Variants in USP22 observed in about 807,000 individuals in gnomAD.
USP22 encodes ubiquitin specific peptidase 22, also known as ubiquitin carboxyl-terminal hydrolase 22.
A neutral mutation model predicts 68.1 loss-of-function variants in USP22; 22 were observed. The ratio of observed to expected loss-of-function variants is 0.32; its 90% confidence interval spans 0.23 to 0.46. The LOEUF is 0.46. USP22 is among the 20% of genes least tolerant of loss of function. USP22 has a pLI of 1.00. For missense variants in USP22, 433 were observed against 695.8 expected, an observed-to-expected ratio of 0.62 and a Z score of 4.25; for synonymous variants, 279 against 274.2, an observed-to-expected ratio of 1.02 and a Z score of -0.17.
In USP22 at chr17:21,015,783, C is replaced by G; in HGVS notation, c.807G>C (p.Ala269=). The change falls in exon 6 of 13, where the codon GCG becomes GCC. Residue 269 remains alanine, a synonymous_variant. Transcript: ENST00000261497. The part of the protein sequence containing the change: ...EQQDAHEFLI[A]ALDVLHRHCK... ...AGTGTCGGTGGAGCACGTCCAGGGCCGCGATGAGGAACTCGTGGGCGTCCT... is the reference window on the plus strand; with the variant it reads ...AGTGTCGGTGGAGCACGTCCAGGGCGGCGATGAGGAACTCGTGGGCGTCCT... 1 of 1,613,632 alleles carries G rather than the reference C, an allele frequency of 6.2e-7. No homozygotes were observed. Among genetic ancestry groups the G allele is most frequent in the African/African-American group, 1.3e-5 (1 of 75,030 alleles).
Position 21,004,225 on chromosome 17 carries a change from G to C in USP22, c.1512C>G (p.Ile504Met), listed in dbSNP as rs1456868863. 3.1e-6 allele frequency: 5 copies of C among 1,614,100 alleles called. No homozygotes were observed. The highest frequency in any genetic ancestry group is 2.7e-5 in the African/African-American group (2 of 74,946). Reference protein sequence around the residue: ...CDDAIITKASIKDVLDSEGYL... With the variant: ...CDDAIITKASMKDVLDSEGYL... ...ACCCTTCGCTGTCCAGGACGTCCTT[G>C]ATGCTGGCCTTGGTGATGATGGCAT... is the stretch of plus-strand genomic sequence containing the variant. Residue 504 changes from isoleucine (I) to methionine (M), a missense_variant, in exon 12 of 13, where the codon ATC becomes ATG. Coordinates refer to ENST00000261497, the MANE Select transcript of USP22 (RefSeq NM_015276.2).
In USP22 at chr17:21,012,823, C is replaced by T. The variant is rs1371430276; in HGVS notation, c.944+7G>A. 2 of 1,613,582 alleles carry T rather than the reference C, an allele frequency of 1.2e-6. No individual in the cohort carries two copies. Among genetic ancestry groups the T allele is most frequent in the Non-Finnish European group, 1.7e-6 (2 of 1,179,608 alleles). On this transcript the variant is annotated splice_region_variant and intron_variant, in intron 7 of 12. Transcript: ENST00000261497. ...TGATATTGCCGAGCACGCAGCCTCTCACTTACTGGCAGACTTGGCAGGTGA... is the reference window on the plus strand; with the variant it reads ...TGATATTGCCGAGCACGCAGCCTCTTACTTACTGGCAGACTTGGCAGGTGA...
At chr17:21,020,540 G>A (rs931905756) in intron 3 of USP22, among the ~76,000 whole-genome samples, 5 of 152,128 alleles carry the variant, frequency 3.3e-5, no homozygotes, top group African/African-American at 1.2e-4. Flanking sequence ...TCTGGTGGGT[G>A]CACGCTGTTG....
intron 2 of USP22, among the ~76,000 whole-genome samples, chr17:21,023,466 C>A (rs1466259535): frequency 6.6e-6 from 1 of 151,960 alleles, no homozygotes; most frequent in Non-Finnish European, 1.5e-5. Context: ...CCAGCCTAGG[C>A]AACATGGTGA....
At chr17:21,026,256 T>C (rs2143605393) in intron 2 of USP22, among the ~76,000 whole-genome samples, 1 of 152,314 alleles carries the variant, frequency 6.6e-6, no homozygotes, top group South Asian at 2.1e-4. Context: ...CTTCCAGATG[T>C]CCATAAGAAA....
chr17:21,042,131 T>G (rs933062951), intron 1 of USP22: 16 of 152,346 alleles, frequency 1.1e-4, no homozygotes, highest in African/African-American at 3.9e-4. Flanking sequence ...CAGCCCCCCA[T>G]CCTTTACTCA....
chr17:21,004,858 G>A (rs1597686895), intron 11 of USP22, 70 bp downstream of exon 11: 1 of 1,572,810 alleles, frequency 6.4e-7, no homozygotes, highest in Non-Finnish European at 8.7e-7. Context: ...CGCCCTACAA[G>A]GCAGACAGGA....
chr17:21,015,639 A>G, intron 6 of USP22, 113 bp downstream of exon 6: 1 of 1,373,380 alleles, frequency 7.3e-7, no homozygotes, highest in Non-Finnish European at 9.6e-7. Context: ...TGACAAAACA[A>G]TGGAATGTGT....
intron 6 of USP22, among the ~76,000 whole-genome samples, chr17:21,015,129 T>TTCCCAGCC (rs1480790595): frequency 1.3e-5 from 2 of 152,170 alleles, no homozygotes; most frequent in African/African-American, 4.8e-5. Context: ...AAGTCATTCA[T>TTCCCAGCC]TCCCAGCCTC....
intron 10 of USP22, 74 bp from the exon 11 acceptor site, chr17:21,005,064 A>G: frequency 1.3e-6 from 2 of 1,535,158 alleles, no homozygotes; most frequent in Admixed American, 3.4e-5. Flanking sequence ...TCGTGAAACC[A>G]ACACTTATCC....
chr17:21,038,850 TACAG>T (rs1246701435), intron 1 of USP22, among the ~76,000 whole-genome samples: 2 of 152,194 alleles, frequency 1.3e-5, no homozygotes, highest in East Asian at 1.9e-4. Context: ...TTCCTATCTT[TACAG>T]ACAAACCCTG....
At chr17:21,014,790 A>G (rs944765626) in intron 6 of USP22, among the ~76,000 whole-genome samples, 2 of 152,206 alleles carry the variant, frequency 1.3e-5, no homozygotes, top group African/African-American at 4.8e-5. Flanking sequence ...TATCGGCTAC[A>G]ACTAGCTGTG....
intron 2 of USP22, among the ~76,000 whole-genome samples, chr17:21,023,421 G>A (rs1056604732): frequency 3.9e-5 from 6 of 152,166 alleles, no homozygotes; most frequent in Non-Finnish European, 8.8e-5. Flanking sequence ...GGGAGGCTGA[G>A]GTGAGTGGAT....
At chr17:21,026,528 T>C (rs901934095) in intron 2 of USP22, among the ~76,000 whole-genome samples, 5 of 152,004 alleles carry the variant, frequency 3.3e-5, no homozygotes, top group Non-Finnish European at 5.9e-5. Context: ...TTCACCATGT[T>C]GTCCAGACTA....
chr17:21,007,067 T>C (rs1435876912), intron 9 of USP22, 80 bp from the exon 10 acceptor site: 1 of 1,201,116 alleles, frequency 8.3e-7, no homozygotes, highest in African/African-American at 1.5e-5. Flanking sequence ...CTTCTTCTGA[T>C]GACAGGTGTC....
chr17:21,020,479 CCTAGTTTCCTTCTGGTGGGT>C (rs1440475828), intron 3 of USP22, among the ~76,000 whole-genome samples: 53 of 152,124 alleles, frequency 3.5e-4, no homozygotes, highest in African/African-American at 1.1e-3. Context: ...GGGAGACTCT[CCTAGTTTCCTTCTGGTGGGT>C]CTAGTTTCCA....
At chr17:21,043,418 C>G (rs906070439), upstream of USP22, 17 of 411,598 alleles carry the variant, frequency 4.1e-5, no homozygotes, top group Non-Finnish European at 6.5e-5. Flanking sequence ...TTCCAGAGGA[C>G]TGGGGAGGCG....
chr17:21,025,411 G>A (rs1305438068), intron 2 of USP22, among the ~76,000 whole-genome samples: 1 of 152,204 alleles, frequency 6.6e-6, no homozygotes, highest in Non-Finnish European at 1.5e-5. Context: ...CATCACTGGT[G>A]AGAATTAAAA....
chr17:21,003,156 C>CGTGCTCT, intron 12 of USP22, 83 bp from the exon 13 acceptor site: 2 of 1,532,602 alleles, frequency 1.3e-6, no homozygotes, highest in East Asian at 4.5e-5. Flanking sequence ...CAAAAGCCTA[C>CGTGCTCT]GTGCTCTGCG....
Sources: allele counts gnomAD v4.1 joint callset (sites outside exome capture counted in the v4.1 genomes callset), GRCh38; gene constraint gnomAD v4.1.1; transcripts MANE v1.5; gene names NCBI Gene and HGNC (gene_info 2026-07-23, HGNC 2026-07-21).